The following HCN1 variants were observed in gnomAD, a reference collection of about 807,000 sequenced individuals.
HCN1 encodes hyperpolarization activated cyclic nucleotide gated potassium channel 1.
Under a neutral mutation model 78.9 loss-of-function variants are expected in HCN1, and 13 were observed. That is an observed-to-expected ratio of 0.16 (90% CI 0.11 to 0.26). The LOEUF is 0.26. HCN1 is among the 10% of genes least tolerant of loss of function. The pLI is 1.00. For missense variants in HCN1, 810 were observed against 1,154.3 expected, an observed-to-expected ratio of 0.70 and a Z score of 4.32; for synonymous variants, 552 against 455.5, an observed-to-expected ratio of 1.21 and a Z score of -2.70.
At chr5:45,375,362 GAT>G (rs1225195386) in intron 4 of HCN1, among the ~76,000 whole-genome samples, 2 of 121,042 alleles carry the variant, frequency 1.7e-5, no homozygotes, top group Non-Finnish European at 3.2e-5. Flanking sequence ...AATATTTTAT[GAT>G]ATACAATATA....
chr5:45,646,694 T>C (rs1745556962), intron 1 of HCN1, among the ~76,000 whole-genome samples: 1 of 152,146 alleles, frequency 6.6e-6, no homozygotes, highest in African/African-American at 2.4e-5. Flanking sequence ...CTAAATTCAC[T>C]TGACATAACT....
At chr5:45,464,250 G>A (rs978593569) in intron 2 of HCN1, among the ~76,000 whole-genome samples, 1 of 152,008 alleles carries the variant, frequency 6.6e-6, no homozygotes, top group Non-Finnish European at 1.5e-5. Flanking sequence ...GAAGTTAATG[G>A]GGATATAACA....
At chr5:45,543,493 T>C (rs894788764) in intron 2 of HCN1, among the ~76,000 whole-genome samples, 1 of 152,030 alleles carries the variant, frequency 6.6e-6, no homozygotes, top group Non-Finnish European at 1.5e-5. Context: ...TATAATCTTA[T>C]ACCTTGAAAC....
intron 3 of HCN1, among the ~76,000 whole-genome samples, chr5:45,411,061 C>A (rs894712028): frequency 6.6e-6 from 1 of 152,060 alleles, no homozygotes; most frequent in African/African-American, 2.4e-5. Flanking sequence ...TTTACTAGCA[C>A]TCATAAAGGT....
rs773990933 is a variant in HCN1 at position 45,303,817 on chromosome 5, C to T, written c.1400G>A (p.Arg467Gln). The change falls in exon 6 of 8, where the codon CGG (arginine) becomes CAG (glutamine). Residue 467 changes from arginine to glutamine, a missense_variant. Physicochemically the swap from Arg to Gln is conservative, Grantham distance 43. Transcript: ENST00000303230. The part of the protein sequence containing the change: ...LREEIVNFNC[R>Q]KLVATMPLFA... ...TAAAGGCATTGTAGCCACCAGTTTC[C>T]GACAGTTGAAGTTGACTATCTCCTA... The T allele has an allele frequency of 1.4e-5, 23 of 1,613,018 alleles. No individual in the cohort carries two copies. Among genetic ancestry groups the T allele is most frequent in the East Asian group, 4.5e-5 (2 of 44,846 alleles).
At chr5:45,614,331 C>T (rs1029186676) in intron 2 of HCN1, among the ~76,000 whole-genome samples, 5 of 151,950 alleles carry the variant, frequency 3.3e-5, no homozygotes, top group East Asian at 1.9e-4. Flanking sequence ...AACATAAATC[C>T]GTCATATTAA....
intron 2 of HCN1, among the ~76,000 whole-genome samples, chr5:45,508,490 T>A (rs1436603515): frequency 6.6e-6 from 1 of 152,112 alleles, no homozygotes; most frequent in Non-Finnish European, 1.5e-5. Context: ...TTTCCTCAAA[T>A]ATTTAGTATT....
At chr5:45,313,596 C>T (rs548490264) in intron 5 of HCN1, among the ~76,000 whole-genome samples, 24 of 152,064 alleles carry the variant, frequency 1.6e-4, no homozygotes, top group African/African-American at 2.7e-4. Context: ...GCAAATCCAC[C>T]GCAAAGAAGC....
intron 2 of HCN1, chr5:45,642,342 A>T (rs1405888094): frequency 1.3e-5 from 2 of 152,136 alleles, no homozygotes; most frequent in African/African-American, 4.8e-5. Context: ...TTTAGTAATG[A>T]TAATAACATA....
At chr5:45,362,094 A>C (rs1454909958) in intron 4 of HCN1, among the ~76,000 whole-genome samples, 1 of 151,624 alleles carries the variant, frequency 6.6e-6, no homozygotes, top group African/African-American at 2.4e-5. Context: ...AAAATCCTTT[A>C]GTTTTCCTGC....
chr5:45,326,556 A>T (rs1456946999), intron 5 of HCN1, among the ~76,000 whole-genome samples: 2 of 151,624 alleles, frequency 1.3e-5, no homozygotes, highest in East Asian at 1.9e-4. Flanking sequence ...AGCATTTTTC[A>T]CTATTACTTG....
At chr5:45,453,085 A>G (rs1212698647) in intron 3 of HCN1, among the ~76,000 whole-genome samples, 1 of 152,060 alleles carries the variant, frequency 6.6e-6, no homozygotes. Context: ...GGAAGCAACT[A>G]TATAATCTTG....
At chr5:45,590,601 T>C (rs887055506) in intron 2 of HCN1, among the ~76,000 whole-genome samples, 1 of 152,172 alleles carries the variant, frequency 6.6e-6, no homozygotes, top group Non-Finnish European at 1.5e-5. Flanking sequence ...TACAGAGTAG[T>C]TTCCTGCCCT....
At chr5:45,580,300 C>G (rs1363713752) in intron 2 of HCN1, among the ~76,000 whole-genome samples, 1 of 152,002 alleles carries the variant, frequency 6.6e-6, no homozygotes, top group Non-Finnish European at 1.5e-5. Context: ...AGAGGAGAAT[C>G]AGAAGAGCTG....
chr5:45,645,270 C>T lies in HCN1; in HGVS notation c.764G>A (p.Arg255His), dbSNP rs1745528422. 6.2e-7 allele frequency: 1 copy of T among 1,613,502 alleles called. No homozygotes were observed. The highest frequency in any genetic ancestry group is 8.5e-7 in the Non-Finnish European group (1 of 1,179,696). The change falls in exon 2 of 8, where the codon CGC (arginine) becomes CAC (histidine). Residue 255 changes from arginine (R) to histidine (H), a missense_variant. Around this residue, in one of 6 missense-constraint regions of HCN1, gnomAD observed 104 missense variants for 402.8 expected, o/e 0.26. Coordinates refer to ENST00000303230, the MANE Select transcript of HCN1 (RefSeq NM_021072.4). ...SEVYKTARALRIVRFTKILSL... is the reference protein window; with the variant it reads ...SEVYKTARALHIVRFTKILSL... ...GAGAATTTTTGTAAACCTCACAATG[C>T]GAAGTGCCCTGGCTGTCTTGTAAAC...
intron 2 of HCN1, among the ~76,000 whole-genome samples, chr5:45,581,559 T>A (rs974609901): frequency 2.6e-5 from 4 of 152,118 alleles, no homozygotes; most frequent in Non-Finnish European, 2.9e-5. Context: ...CTTTGGTTGC[T>A]ATTGCTTTTG....
chr5:45,675,770 T>C (rs867783358), intron 1 of HCN1, among the ~76,000 whole-genome samples: 1 of 151,878 alleles, frequency 6.6e-6, no homozygotes, highest in Non-Finnish European at 1.5e-5. Flanking sequence ...TGTTATACCA[T>C]TAGACATAAA....
At chr5:45,598,018 C>G (rs1172541291) in intron 2 of HCN1, among the ~76,000 whole-genome samples, 1 of 152,046 alleles carries the variant, frequency 6.6e-6, no homozygotes. Context: ...CAATGCCATC[C>G]CCATCAAGCT....
intron 2 of HCN1, among the ~76,000 whole-genome samples, chr5:45,618,224 G>A (rs1022867882): frequency 1.3e-4 from 20 of 152,096 alleles, no homozygotes; most frequent in Middle Eastern, 6.8e-3. Flanking sequence ...TGAAGTCAGG[G>A]AAGGAATCCT....
Sources: allele counts gnomAD v4.1 joint callset (sites outside exome capture counted in the v4.1 genomes callset), GRCh38; gene constraint gnomAD v4.1.1; regional missense constraint gnomAD v4.1.1; transcripts MANE v1.5; gene names NCBI Gene and HGNC (gene_info 2026-07-23, HGNC 2026-07-21).